The following SYN2 variants were observed in gnomAD, a reference collection of about 807,000 sequenced individuals.
SYN2 encodes the protein synapsin II.
A neutral mutation model predicts 50.9 loss-of-function variants in SYN2; 19 were observed. The observed-to-expected ratio is 0.37, with a 90% CI of 0.26 to 0.55. SYN2 has a LOEUF of 0.55. Among genes scored for constraint, SYN2 ranks in the 20% least tolerant of loss-of-function variants. SYN2 has a pLI of 0.81. For missense variants in SYN2, 587 were observed against 576.4 expected, an observed-to-expected ratio of 1.02 and a Z score of -0.19; for synonymous variants, 255 against 224.9, an observed-to-expected ratio of 1.13 and a Z score of -1.20.
intron 10 of SYN2, among the ~76,000 whole-genome samples, chr3:12,172,911 T>C (rs1008357049): frequency 6.6e-6 from 1 of 152,268 alleles, no homozygotes; most frequent in African/African-American, 2.4e-5. Flanking sequence ...GTTTCTCAAA[T>C]ACTTTCAGCC....
rs1021265394 is a variant in SYN2 at position 12,161,999 on chromosome 3, G to T, written c.838-13G>T. On this transcript the variant is annotated splice_polypyrimidine_tract_variant and intron_variant, in intron 6 of 12. Transcript: ENST00000621198. ...GTCTCCCTTTCCCCCTTTCTGCCCTGCTCTAACATTAGGTCAAAGTGGAAA... is the reference window on the plus strand; with the variant it reads ...GTCTCCCTTTCCCCCTTTCTGCCCTTCTCTAACATTAGGTCAAAGTGGAAA... 1 of 1,613,864 alleles carries T rather than the reference G, an allele frequency of 6.2e-7. No individual in the cohort carries two copies. The highest frequency in any genetic ancestry group is 8.5e-7 in the Non-Finnish European group (1 of 1,179,818).
Position 12,151,284 on chromosome 3 carries a change from C to G in SYN2, c.732C>G (p.Phe244Leu), listed in dbSNP as rs183790096. The G allele has an allele frequency of 1.2e-6, 2 of 1,613,470 alleles. No individual in the cohort carries two copies. The highest frequency in any genetic ancestry group is 1.7e-6 in the Non-Finnish European group (2 of 1,179,734). The change falls in exon 5 of 13, where the codon TTC (phenylalanine) becomes TTG (leucine). Residue 244 changes from phenylalanine to leucine, a missense_variant. By Grantham distance (22) the Phe-to-Leu change is conservative. Coordinates refer to ENST00000621198, the MANE Select transcript of SYN2 (RefSeq NM_133625.6). ...ATAAGACACTGGGAGGAGAAAAGTT[C>G]CCTCTCATTGAACAGACATACTACC... The part of the protein sequence containing the change: ...AIYKTLGGEK[F>L]PLIEQTYYPN...
At chr3:12,158,725 T>G (rs759278916) in intron 5 of SYN2, 9 of 1,610,068 alleles carry the variant, frequency 5.6e-6, no homozygotes, top group Non-Finnish European at 7.6e-6. Flanking sequence ...GCAGATGTGC[T>G]GCTGAGGGTG....
rs1697137884 is a variant in SYN2 at position 12,145,821 on chromosome 3, G to A, written c.670G>A (p.Asp224Asn). ...ACTGGAATCCATATACAACTTCTGT[G>A]ACAAGCCATGGGTGGTGAGTGAGGC... The part of the protein sequence containing the change: ...NSLESIYNFC[D>N]KPWVFAQLVA... Residue 224 changes from aspartate to asparagine, a missense_variant, in exon 4 of 13, where the codon GAC becomes AAC. By Grantham distance (23) the Asp-to-Asn change is conservative (BLOSUM62 1). Coordinates refer to ENST00000621198, the MANE Select transcript of SYN2 (RefSeq NM_133625.6). 3 of 1,613,822 alleles carry A rather than the reference G, an allele frequency of 1.9e-6. No individual in the cohort carries two copies. In the African/African-American group the frequency reaches 4.0e-5, roughly 22 times the overall value.
chr3:12,057,026 C>T (rs1334939553), intron 1 of SYN2, among the ~76,000 whole-genome samples: 1 of 152,106 alleles, frequency 6.6e-6, no homozygotes, highest in Non-Finnish European at 1.5e-5. Context: ...TGTGGTGGCT[C>T]ACGCCTGTAA....
At chr3:12,134,774 A>AT (rs932022906) in intron 1 of SYN2, among the ~76,000 whole-genome samples, 1 of 152,010 alleles carries the variant, frequency 6.6e-6, no homozygotes, top group East Asian at 1.9e-4. Flanking sequence ...GTGTGCTTAA[A>AT]TTTTTTTTTA....
intron 1 of SYN2, among the ~76,000 whole-genome samples, chr3:12,102,619 G>A (rs549675765): frequency 3.3e-5 from 5 of 152,004 alleles, no homozygotes; most frequent in Admixed American, 6.6e-5. Flanking sequence ...TCCAGATTAG[G>A]CCCTGAACCA....
At chr3:12,137,423 G>A (rs77835155) in intron 1 of SYN2, among the ~76,000 whole-genome samples, 1 of 152,200 alleles carries the variant, frequency 6.6e-6, no homozygotes, top group African/African-American at 2.4e-5. Context: ...AGTAAAAACC[G>A]TAACTGTGTC....
chr3:12,057,819 A>C (rs571577645), intron 1 of SYN2, among the ~76,000 whole-genome samples: 1 of 152,352 alleles, frequency 6.6e-6, no homozygotes, highest in Admixed American at 6.5e-5. Context: ...AAAAATAAAC[A>C]TGTAAGTAGA....
intron 1 of SYN2, among the ~76,000 whole-genome samples, chr3:12,095,664 A>G (rs1249927826): frequency 1.4e-5 from 2 of 143,334 alleles, no homozygotes; most frequent in African/African-American, 2.6e-5. Flanking sequence ...AAAGTTGACC[A>G]TTCCTTCTTC....
chr3:12,045,459 G>GTC (rs1162047273), intron 1 of SYN2, among the ~76,000 whole-genome samples: 1 of 152,166 alleles, frequency 6.6e-6, no homozygotes, highest in Non-Finnish European at 1.5e-5. Flanking sequence ...ATAAGTAAAT[G>GTC]TCTCTACTGT....
chr3:12,064,545 AC>A (rs1225201106), intron 1 of SYN2, among the ~76,000 whole-genome samples: 3 of 152,110 alleles, frequency 2.0e-5, no homozygotes, highest in African/African-American at 7.2e-5. Context: ...TAAAGAGACA[AC>A]CCATATTTTA....
intron 1 of SYN2, among the ~76,000 whole-genome samples, chr3:12,113,454 G>A (rs1381238921): frequency 6.6e-6 from 1 of 151,962 alleles, no homozygotes; most frequent in Admixed American, 6.6e-5. Flanking sequence ...AAAAATTGAG[G>A]TACTATTCAC....
At chr3:12,134,369 G>A (rs890373378) in intron 1 of SYN2, among the ~76,000 whole-genome samples, 1 of 152,188 alleles carries the variant, frequency 6.6e-6, no homozygotes, top group Non-Finnish European at 1.5e-5. Flanking sequence ...AAAGCCCTTT[G>A]CTCTGCCACT....
At chr3:12,113,681 A>G (rs1053643785) in intron 1 of SYN2, among the ~76,000 whole-genome samples, 4 of 152,164 alleles carry the variant, frequency 2.6e-5, no homozygotes, top group African/African-American at 9.7e-5. Flanking sequence ...CTAATATTTA[A>G]TAAAAATGAA....
At chr3:12,185,227 A>G in intron 11 of SYN2, 1 of 985,868 alleles carries the variant, frequency 1.0e-6, no homozygotes, top group Non-Finnish European at 1.2e-6. Flanking sequence ...ACGATAGAAT[A>G]AAGTAACATT....
intron 1 of SYN2, among the ~76,000 whole-genome samples, chr3:12,069,774 A>G (rs1695303714): frequency 6.7e-6 from 1 of 149,540 alleles, no homozygotes; most frequent in Non-Finnish European, 1.5e-5. Flanking sequence ...ACTGGGTGTG[A>G]TTTGGTACCT....
At chr3:12,115,797 C>T (rs898344250) in intron 1 of SYN2, among the ~76,000 whole-genome samples, 3 of 152,166 alleles carry the variant, frequency 2.0e-5, no homozygotes, top group Admixed American at 2.0e-4. Context: ...ACTCAGTACA[C>T]TATGTAGCAT....
At chr3:12,165,822 C>A (rs1697774429) in intron 7 of SYN2, among the ~76,000 whole-genome samples, 1 of 152,188 alleles carries the variant, frequency 6.6e-6, no homozygotes. Flanking sequence ...GTTTTGCCAG[C>A]CACTCAGTAG....
Sources: allele counts gnomAD v4.1 joint callset (sites outside exome capture counted in the v4.1 genomes callset), GRCh38; gene constraint gnomAD v4.1.1; transcripts MANE v1.5; gene names NCBI Gene and HGNC (gene_info 2026-07-23, HGNC 2026-07-21).